Variants in CAPZB observed in about 807,000 individuals in gnomAD.
CAPZB encodes F-actin-capping protein subunit beta.
In CAPZB, 2 loss-of-function variants were observed where a neutral mutation model predicts 38.1. The observed-to-expected ratio is 0.05, with a 90% confidence interval of 0.02 to 0.17. CAPZB has a LOEUF of 0.17. CAPZB is among the 10% of genes least tolerant of loss of function. The probability of loss-of-function intolerance (pLI) is 1.00; values close to 1 mark genes in which losing one functional copy is unlikely to be tolerated. For synonymous variants in CAPZB, 107 were observed against 127.4 expected, an observed-to-expected ratio of 0.84 and a Z score of 1.08; for missense variants, 161 against 334.2, an observed-to-expected ratio of 0.48 and a Z score of 4.04.
At chr1:19,421,041 G>A (rs1430358601) in intron 1 of CAPZB, among the ~76,000 whole-genome samples, 1 of 152,140 alleles carries the variant, frequency 6.6e-6, no homozygotes, top group African/African-American at 2.4e-5. Context: ...AAGTACAGGT[G>A]ACTCCAAGTA....
chr1:19,444,152 C>T (rs1314742633), intron 1 of CAPZB, among the ~76,000 whole-genome samples: 3 of 146,840 alleles, frequency 2.0e-5, no homozygotes, highest in Non-Finnish European at 4.6e-5. Context: ...AGCCAGACTC[C>T]GTCTCAAGGA....
At chr1:19,434,239 C>T (rs1018894406) in intron 1 of CAPZB, among the ~76,000 whole-genome samples, 12 of 152,148 alleles carry the variant, frequency 7.9e-5, no homozygotes, top group African/African-American at 2.4e-4. Context: ...AGCCCATACT[C>T]GCCATTTCCT....
chr1:19,385,630 G>A lies in CAPZB; in HGVS notation c.94-4C>T, dbSNP rs757283042. On this transcript the variant is annotated splice_region_variant and splice_polypyrimidine_tract_variant and intron_variant, in intron 2 of 8. Transcript: ENST00000264202. ...GATCCTCACATAGACTGGGGACCTG[G>A]CAGAGAGAAAGGACAAGGTCGAAAC... The A allele has an allele frequency of 6.2e-7, 1 of 1,614,198 alleles. No homozygotes were observed. Among genetic ancestry groups the A allele is most frequent in the South Asian group, 1.1e-5 (1 of 91,086 alleles).
At chr1:19,351,506 G>T (rs931474375) in intron 6 of CAPZB, among the ~76,000 whole-genome samples, 15 of 152,156 alleles carry the variant, frequency 9.9e-5, no homozygotes, top group Middle Eastern at 3.4e-3. Flanking sequence ...AGGGGTGGGG[G>T]GCAGTGCAAC....
At chr1:19,468,785 G>A (rs552044521) in intron 1 of CAPZB, among the ~76,000 whole-genome samples, 59 of 152,058 alleles carry the variant, frequency 3.9e-4, no homozygotes, top group African/African-American at 1.4e-3. Context: ...CCACTGAGTC[G>A]GCACACGCCG....
At chr1:19,419,965 G>A (rs2094395088) in intron 1 of CAPZB, 2 of 517,222 alleles carry the variant, frequency 3.9e-6, no homozygotes, top group African/African-American at 3.9e-5. Flanking sequence ...TCAAGTGGGG[G>A]CATCCAAAAG....
chr1:19,419,310 G>A (rs748932046), intron 2 of CAPZB, among the ~76,000 whole-genome samples: 16 of 152,180 alleles, frequency 1.1e-4, no homozygotes, highest in Non-Finnish European at 1.6e-4. Flanking sequence ...GACTGACAGC[G>A]TCTGGCCTGC....
Position 19,405,493 on chromosome 1 carries a change from A to G in CAPZB, c.93+14168T>C, listed in dbSNP as rs562037243. 4.8e-5 allele frequency among the ~76,000 whole-genome samples: 7 copies of G among 146,808 alleles called. No homozygotes were observed. In the East Asian group the frequency reaches 1.0e-3, roughly 22 times the overall value. On this transcript the variant is annotated intron_variant, in intron 2 of 8. Coordinates refer to ENST00000264202, the MANE Select transcript of CAPZB (RefSeq NM_004930.5). ...AGCCTCTTTAAAACACCTGATGTAC[A>G]TATCTCCTCTACTCCCAACTGATGT...
intron 4 of CAPZB, among the ~76,000 whole-genome samples, chr1:19,364,892 GT>G: frequency 6.6e-6 from 1 of 151,848 alleles, no homozygotes; most frequent in African/African-American, 2.4e-5. Context: ...TCTTGCCCAG[GT>G]TGGAGTGCAA....
chr1:19,434,138 T>C (rs1220299572), intron 1 of CAPZB, among the ~76,000 whole-genome samples: 1 of 152,212 alleles, frequency 6.6e-6, no homozygotes, highest in Non-Finnish European at 1.5e-5. Flanking sequence ...CATGACATCC[T>C]TTGGGCTTCG....
At chr1:19,342,926 G>T (rs550678891) in intron 8 of CAPZB, 1 of 998,006 alleles carries the variant, frequency 1.0e-6, no homozygotes, top group Non-Finnish European at 1.6e-6. Flanking sequence ...AGCCAGGAAC[G>T]CAGGGGGCCA....
At chr1:19,441,126 C>A (rs142153665) in intron 1 of CAPZB, among the ~76,000 whole-genome samples, 1 of 152,164 alleles carries the variant, frequency 6.6e-6, no homozygotes, top group African/African-American at 2.4e-5. Context: ...AGAAAGTCCA[C>A]GAAATTTGAA....
intron 1 of CAPZB, among the ~76,000 whole-genome samples, chr1:19,462,853 A>C (rs1052405590): frequency 1.3e-5 from 2 of 152,218 alleles, no homozygotes; most frequent in African/African-American, 4.8e-5. Context: ...ACTGATACTG[A>C]AATTTCAGTC....
intron 1 of CAPZB, among the ~76,000 whole-genome samples, chr1:19,475,461 T>G (rs1475568566): frequency 6.6e-6 from 1 of 152,196 alleles, no homozygotes; most frequent in African/African-American, 2.4e-5. Flanking sequence ...CAGCTGCTGT[T>G]AGGATCACGG....
chr1:19,439,708 G>C (rs568323926), intron 1 of CAPZB, among the ~76,000 whole-genome samples: 1 of 152,164 alleles, frequency 6.6e-6, no homozygotes, highest in Non-Finnish European at 1.5e-5. Context: ...CTTCCCTCCC[G>C]GCTGACACTC....
intron 4 of CAPZB, among the ~76,000 whole-genome samples, chr1:19,359,992 C>A (rs913451885): frequency 6.6e-6 from 1 of 152,284 alleles, no homozygotes; most frequent in Admixed American, 6.5e-5. Context: ...CCATAGAGCC[C>A]TCCTGGTCTG....
chr1:19,476,839 C>T (rs2094608520), intron 1 of CAPZB, among the ~76,000 whole-genome samples: 1 of 152,214 alleles, frequency 6.6e-6, no homozygotes, highest in African/African-American at 2.4e-5. Context: ...TGTGGCTAGA[C>T]GTACAGGGGA....
chr1:19,343,337 C>T (rs1342935588), intron 8 of CAPZB, among the ~76,000 whole-genome samples: 1 of 152,210 alleles, frequency 6.6e-6, no homozygotes, highest in African/African-American at 2.4e-5. Flanking sequence ...AAATCTGTCG[C>T]CCACCCCAGT....
intron 8 of CAPZB, chr1:19,342,715 T>G: frequency 7.4e-7 from 1 of 1,344,966 alleles, no homozygotes; most frequent in Non-Finnish European, 1.1e-6. Flanking sequence ...GAGTCCTGTT[T>G]TAGTGGGGAG....
Sources: gnomAD v4.1 joint callset for allele counts (sites outside exome capture counted in the v4.1 genomes callset) on GRCh38, gnomAD v4.1.1 for gene constraint, MANE v1.5 for transcripts, NCBI Gene and HGNC (gene_info 2026-07-23, HGNC 2026-07-21) for gene names.